The following TMEM94 variants were observed in gnomAD, a reference collection of about 807,000 sequenced individuals.
TMEM94 encodes transmembrane protein 94.
Under a neutral mutation model 158.6 loss-of-function variants are expected in TMEM94, and 81 were observed. The observed-to-expected ratio is 0.51, with a 90% confidence interval of 0.43 to 0.61. The LOEUF (loss-of-function observed/expected upper bound fraction) is 0.61, where lower values mean the gene tolerates loss of function less well. TMEM94 is among the 20% of genes least tolerant of loss of function. TMEM94 has a pLI of 0.00. For missense variants in TMEM94, 1,435 were observed against 1,762.0 expected (o/e 0.81, Z 3.32); for synonymous variants, 751 against 730.7 (o/e 1.03, Z -0.45).
chr17:75,475,427 C>T (rs2050646555), intron 2 of TMEM94, among the ~76,000 whole-genome samples: 1 of 152,242 alleles, frequency 6.6e-6, no homozygotes, highest in South Asian at 2.1e-4. Context: ...CTCCAGCTCA[C>T]ACTCTCCAGC....
intron 18 of TMEM94, 113 bp downstream of exon 18, chr17:75,494,029 C>A: frequency 1.0e-6 from 1 of 977,036 alleles, no homozygotes; most frequent in Non-Finnish European, 1.5e-6. Context: ...GCAAAGGGGG[C>A]AGTGGCCACA....
In TMEM94 at chr17:75,495,720, G is replaced by T. The variant is rs2052617177; in HGVS notation, c.2944+77G>T. On this transcript the variant is annotated intron_variant, in intron 22 of 31. Transcript: ENST00000314256. The surrounding 1 kb of genome is among the most constrained non-coding windows in gnomAD (Gnocchi z 5.6). ...TCTGCCTGGGCCTGCGTACCCCGTG[G>T]GCTCTGGAGGGATGTAGGTTTCCCA... 2 of 1,367,390 alleles carry T rather than the reference G, an allele frequency of 1.5e-6. No homozygotes were observed. The highest frequency in any genetic ancestry group is 2.1e-6 in the Non-Finnish European group (2 of 967,710). The allele number at this position is 1,367,390 out of a possible 1,614,324, so 84.7% of individuals were successfully genotyped here.
At chr17:75,477,728 C>G (rs115640808) in intron 2 of TMEM94, among the ~76,000 whole-genome samples, 1 of 151,840 alleles carries the variant, frequency 6.6e-6, no homozygotes, top group Non-Finnish European at 1.5e-5. Context: ...GGGGACAGGG[C>G]GGCCGGGCGC....
At chr17:75,476,653 T>G in intron 2 of TMEM94, 2 of 1,534,948 alleles carry the variant, frequency 1.3e-6, no homozygotes, top group Non-Finnish European at 1.7e-6. Flanking sequence ...TGTTGGAAGT[T>G]CTTGCAGCTG....
At position 75,490,256 on chromosome 17, in the gene TMEM94, T is replaced by A. The variant is rs2052043830; in HGVS notation, c.977T>A (p.Leu326His). 1 of 1,613,540 alleles carries A rather than the reference T, an allele frequency of 6.2e-7. No individual in the cohort carries two copies. Among genetic ancestry groups the A allele is most frequent in the African/African-American group, 1.3e-5 (1 of 74,890 alleles). ...CAGGTGAATGGCGTCCTGCCCATCCTCCCCCTGCTCTTTCCAGTCCTCTGG... is the reference window on the plus strand; with the variant it reads ...CAGGTGAATGGCGTCCTGCCCATCCACCCCCTGCTCTTTCCAGTCCTCTGG... ...QLQVNGVLPILPLLFPVLWVL... is the reference protein window; with the variant it reads ...QLQVNGVLPIHPLLFPVLWVL... The change falls in exon 10 of 32, where the codon CTC (leucine) becomes CAC (histidine). Residue 326 changes from leucine to histidine, a missense_variant. By Grantham distance (99) the Leu-to-His change is moderately conservative. This residue lies in a region of TMEM94 where 1,051 missense variants were observed against 1,254.4 expected (regional missense o/e 0.84). Coordinates refer to ENST00000314256, the MANE Select transcript of TMEM94 (RefSeq NM_014738.6).
At chr17:75,472,348 C>T (rs2146250511) in intron 2 of TMEM94, among the ~76,000 whole-genome samples, 1 of 152,332 alleles carries the variant, frequency 6.6e-6, no homozygotes, top group African/African-American at 2.4e-5. Context: ...GCTGCCTAAT[C>T]AGCCGGTGGT....
chr17:75,477,931 C>T (rs1275323750), intron 2 of TMEM94, among the ~76,000 whole-genome samples: 3 of 148,780 alleles, frequency 2.0e-5, no homozygotes, highest in African/African-American at 7.5e-5. Flanking sequence ...ATCGCTTGAA[C>T]CCGAGAGACG....
In TMEM94 at chr17:75,489,968, A is replaced by T. The variant is rs2052004078; in HGVS notation, c.955-266A>T. 1.8e-6 allele frequency: 1 copy of T among 566,068 alleles called. No individual in the cohort carries two copies. Among genetic ancestry groups the T allele is most frequent in the Non-Finnish European group, 3.1e-6 (1 of 318,404 alleles). 35.1% of individuals were successfully genotyped at this position (566,068 alleles called of 1,614,324 possible). ...GTGGCACGTGCCTGTGGTCCCAGCCATTCAGGTGGCTGAGGTGGGAGAATC... is the reference window on the plus strand; with the variant it reads ...GTGGCACGTGCCTGTGGTCCCAGCCTTTCAGGTGGCTGAGGTGGGAGAATC... On this transcript the variant is annotated intron_variant, in intron 9 of 31. Transcript: ENST00000314256. The surrounding 1 kb of genome is among the most constrained non-coding windows in gnomAD (Gnocchi z 5.0).
In TMEM94 at chr17:75,492,316, AG is replaced by A. The variant is rs960811785; in HGVS notation, c.1597-156del. ...CCAAGAAGGACAGGAAGCGGATTTC[AG>A]GAGGGAGCGGGTGGAAGAGGGTGAG... On this transcript the variant is annotated intron_variant, in intron 14 of 31. Transcript: ENST00000314256. The surrounding 1 kb of genome is among the most constrained non-coding windows in gnomAD (Gnocchi z 4.4). 7.0e-7 allele frequency: 1 copy of A among 1,431,220 alleles called. No homozygotes were observed. Among genetic ancestry groups the A allele is most frequent in the African/African-American group, 1.4e-5 (1 of 69,680 alleles). The allele number at this position is 1,431,220 out of a possible 1,614,324, so 88.7% of individuals were successfully genotyped here. A position where few individuals can be genotyped will look rare whatever the true frequency, so the allele number is the denominator to read the frequency against.
At chr17:75,490,060 G>A (rs1196141030) in intron 9 of TMEM94, 174 bp from the exon 10 acceptor site, 20 of 896,734 alleles carry the variant, frequency 2.2e-5, no homozygotes, top group African/African-American at 2.1e-4. Context: ...GCCTGGCGAC[G>A]GAGCAAGACT....
intron 1 of TMEM94, among the ~76,000 whole-genome samples, chr17:75,465,737 G>A (rs966301272): frequency 6.8e-6 from 1 of 147,378 alleles, no homozygotes; most frequent in Admixed American, 6.8e-5. Context: ...CGTGATTTTG[G>A]TATGTTGCTC....
chr17:75,474,583 G>A (rs1455053764), intron 2 of TMEM94, among the ~76,000 whole-genome samples: 1 of 152,186 alleles, frequency 6.6e-6, no homozygotes, highest in Non-Finnish European at 1.5e-5. Context: ...AGAGGTTGCA[G>A]TTAGCCGAGA....
In TMEM94 at chr17:75,485,364, GGCCCGCGT is replaced by G; in HGVS notation, c.25-60_25-53del. Reference sequence around the variant, plus strand: ...AAGGGCCAGGGAAGGGGAGGGTTGGGGCCCGCGTGCCTTGCATAGCCTTGGCCTGGCAG... The same window carrying G: ...AAGGGCCAGGGAAGGGGAGGGTTGGGGCCTTGCATAGCCTTGGCCTGGCAG... On this transcript the variant is annotated intron_variant, in intron 2 of 31. Coordinates refer to ENST00000314256, the MANE Select transcript of TMEM94 (RefSeq NM_014738.6). This position sits in a 1 kb window ranked among gnomAD's most constrained non-coding sequence, Gnocchi z 5.5. 1.9e-6 allele frequency: 3 copies of G among 1,572,578 alleles called. No homozygotes were observed. The highest frequency in any genetic ancestry group is 2.6e-6 in the Non-Finnish European group (3 of 1,155,104).
chr17:75,488,137 AG>A lies in TMEM94; in HGVS notation c.612+4del. 6.2e-7 allele frequency: 1 copy of A among 1,614,004 alleles called. No individual in the cohort carries two copies. The highest frequency in any genetic ancestry group is 8.5e-7 in the Non-Finnish European group (1 of 1,179,858). On this transcript the variant is annotated splice_donor_region_variant and intron_variant, in intron 6 of 31. Coordinates refer to ENST00000314256, the MANE Select transcript of TMEM94 (RefSeq NM_014738.6). ...TTGCTTCTCTGAGGGGGATCAAGGTAGCTTGAGGCTTTCCTTCTCCCTTGGA... is the reference window on the plus strand; with the variant it reads ...TTGCTTCTCTGAGGGGGATCAAGGTACTTGAGGCTTTCCTTCTCCCTTGGA...
intron 1 of TMEM94, among the ~76,000 whole-genome samples, chr17:75,462,321 G>A (rs939607009): frequency 2.6e-5 from 4 of 152,032 alleles, no homozygotes; most frequent in Admixed American, 6.6e-5. Context: ...GATTACAGGC[G>A]TGAGCCACTG....
intron 4 of TMEM94, 83 bp downstream of exon 4, chr17:75,486,081 G>A: frequency 3.4e-6 from 5 of 1,489,368 alleles, no homozygotes; most frequent in Non-Finnish European, 4.5e-6. Context: ...CAGGGCTCTT[G>A]GGGGCTGTCA....
rs777292782 is a variant in TMEM94 at position 75,465,675 on chromosome 17, ATATATTTT to A, written c.-106-6123_-106-6116del. ...AATTTTTATATATATATATATATAT[ATATATTTT>A]TTTTTAATCCCAAAGACTTCAAAAC... is the stretch of plus-strand genomic sequence containing the variant. On this transcript the variant is annotated intron_variant, in intron 1 of 31. Transcript: ENST00000314256. Among the ~76,000 whole-genome samples the A allele has an allele frequency of 3.1e-4, 24 of 77,104 alleles. No individual in the cohort carries two copies. In the South Asian group the frequency reaches 9.0e-3, roughly 29 times the overall value. 50.6% of individuals were successfully genotyped at this position (77,104 alleles called of 152,430 possible).
rs116383760 is a variant in TMEM94 at position 75,485,136 on chromosome 17, G to A, written c.25-292G>A. 1.6e-4 allele frequency among the ~76,000 whole-genome samples: 25 copies of A among 152,302 alleles called. No homozygotes were observed. Among genetic ancestry groups the A allele is most frequent in the African/African-American group, 5.8e-4 (24 of 41,572 alleles). On this transcript the variant is annotated intron_variant, in intron 2 of 31. Transcript: ENST00000314256. This position sits in a 1 kb window ranked among gnomAD's most constrained non-coding sequence, Gnocchi z 5.5. ...CACAGCCTGGGTGGGCAGGGAGCTC[G>A]CCAGGGGCAGTGGGGAAAGTGAGTT...
rs780017118 is a variant in TMEM94, at chr17:75,497,116, C to A, written c.3325C>A (p.Leu1109Ile). ...CQLTLVVIQF[L>I]SCLVQLPPLL... ...CTTGGCTTCTTTCCTGGTCTAGTTC[C>A]TTTCTTGCCTGGTCCAGCTGCCGCC... The change falls in exon 26 of 32, where the codon CTT becomes ATT. Residue 1109 changes from leucine (L) to isoleucine (I), a missense_variant. Coordinates refer to ENST00000314256, the MANE Select transcript of TMEM94 (RefSeq NM_014738.6). 6 of 1,613,954 alleles carry A rather than the reference C, an allele frequency of 3.7e-6. No homozygotes were observed. The South Asian group carries it at 5.5e-5, about 15-fold the overall frequency.
Sources: allele counts gnomAD v4.1 joint callset (sites outside exome capture counted in the v4.1 genomes callset), GRCh38; gene constraint gnomAD v4.1.1; regional missense constraint gnomAD v4.1.1; non-coding constraint Gnocchi (gnomAD v3.1); transcripts MANE v1.5; gene names NCBI Gene and HGNC (gene_info 2026-07-23, HGNC 2026-07-21).